Variants in DMD observed in about 807,000 individuals in gnomAD.
The protein encoded by DMD is mutant dystrophin.
Under a neutral mutation model 330.1 loss-of-function variants are expected in DMD, and 63 were observed. The ratio of observed to expected loss-of-function variants is 0.19; its 90% CI spans 0.16 to 0.24. The LOEUF (loss-of-function observed/expected upper bound fraction) is 0.24. Among genes scored for constraint, DMD ranks in the 10% least tolerant of loss-of-function variants. The pLI, the probability that DMD is intolerant of heterozygous loss-of-function variation, is 1.00. For synonymous variants in DMD, 1,223 were observed against 959.8 expected (o/e 1.27, Z -5.07); for missense variants, 3,344 against 2,684.1 (o/e 1.25, Z -5.43).
At chrX:33,123,393 G>A (rs1379723465) in intron 1 of DMD, among the ~76,000 whole-genome samples, 7 of 110,784 alleles carry the variant, frequency 6.3e-5, no homozygotes, top group Non-Finnish European at 1.3e-4. Flanking sequence ...TATCCTGAAA[G>A]TCTCAAATGA....
chrX:31,181,552 T>C lies in DMD; in HGVS notation c.9975-1071A>G, dbSNP rs749966560. Reference sequence around the variant, plus strand: ...TTCCCTTCCCCACTCCCCACCCCCATGGTATCATTTTTACCTGCCAAGAAA... The same window carrying C: ...TTCCCTTCCCCACTCCCCACCCCCACGGTATCATTTTTACCTGCCAAGAAA... On this transcript the variant is annotated intron_variant, in intron 68 of 78. Transcript: ENST00000357033. Among the ~76,000 whole-genome samples the C allele has an allele frequency of 4.5e-5, 5 of 110,119 alleles. No homozygotes were observed. The South Asian group carries it at 2.0e-3, about 44-fold the overall frequency.
intron 1 of DMD, among the ~76,000 whole-genome samples, chrX:33,311,472 C>T (rs192870577): frequency 6.3e-5 from 7 of 110,428 alleles, no homozygotes; most frequent in African/African-American, 2.3e-4. Context: ...AAATAATCTA[C>T]CTTATTTACA....
chrX:32,193,244 C>T (rs1244899460), intron 44 of DMD, among the ~76,000 whole-genome samples: 3 of 111,796 alleles, frequency 2.7e-5, no homozygotes, highest in Non-Finnish European at 1.9e-5. Flanking sequence ...TTTTCTCATC[C>T]ATTACCCAGT....
chrX:31,542,183 C>T (rs142713429), intron 55 of DMD, among the ~76,000 whole-genome samples: 2,222 of 111,694 alleles, frequency 0.02, 67 homozygotes, highest in African/African-American at 0.068. Flanking sequence ...GCAAAGGACG[C>T]TATGGGGACA....
intron 44 of DMD, among the ~76,000 whole-genome samples, chrX:32,083,634 G>T (rs749495076): frequency 8.9e-6 from 1 of 112,501 alleles, no homozygotes; most frequent in Admixed American, 9.4e-5. Flanking sequence ...CCACTTCATG[G>T]ATTGAGGTAG....
At chrX:32,164,816 G>T (rs1400222835) in intron 44 of DMD, among the ~76,000 whole-genome samples, 1 of 110,655 alleles carries the variant, frequency 9.0e-6, no homozygotes, top group Non-Finnish European at 1.9e-5. Context: ...CCCCACCACT[G>T]TGTGCGGCAT....
chrX:32,281,330 G>A (rs780726740), intron 43 of DMD, among the ~76,000 whole-genome samples: 13 of 111,846 alleles, frequency 1.2e-4, no homozygotes, highest in Non-Finnish European at 2.3e-4. Context: ...AGAACAATGC[G>A]GTATGCTTTT....
chrX:32,982,680 T>C (rs888751836), intron 2 of DMD, among the ~76,000 whole-genome samples: 1 of 111,594 alleles, frequency 9.0e-6, no homozygotes, highest in African/African-American at 3.3e-5. Context: ...CTTACATCTT[T>C]TCACTTAATA....
At chrX:32,771,634 T>C (rs1487462641) in intron 7 of DMD, among the ~76,000 whole-genome samples, 1 of 111,215 alleles carries the variant, frequency 9.0e-6, no homozygotes, top group Non-Finnish European at 1.9e-5. Context: ...CCCTGAAAGA[T>C]GCATAACAAC....
rs530717741 is a variant in DMD, at chrX:31,230,423, C to T, written c.9287-7302G>A. Among the ~76,000 whole-genome samples the T allele has an allele frequency of 8.1e-5, 9 of 110,660 alleles. No individual in the cohort carries two copies. The South Asian group carries it at 1.2e-3, about 14-fold the overall frequency. ...CAGCACTTATGGAGGTCGAGGCGGG[C>T]GGATCACGAGGTCAGGAGTTCGAGA... On this transcript the variant is annotated intron_variant, in intron 63 of 78. Coordinates refer to ENST00000357033, the MANE Select transcript of DMD (RefSeq NM_004006.3).
chrX:31,655,137 C>T (rs1332912542), intron 54 of DMD, among the ~76,000 whole-genome samples: 1 of 111,563 alleles, frequency 9.0e-6, no homozygotes, highest in Non-Finnish European at 1.9e-5. Flanking sequence ...TTTTTGCAAT[C>T]AGACCTTGGT....
chrX:31,428,520 A>G (rs1384457674), intron 60 of DMD, among the ~76,000 whole-genome samples: 1 of 111,982 alleles, frequency 8.9e-6, no homozygotes, highest in Non-Finnish European at 1.9e-5. Flanking sequence ...TGGAATTAAC[A>G]TAAAAACCCA....
intron 57 of DMD, among the ~76,000 whole-genome samples, chrX:31,490,421 G>A (rs1367729972): frequency 9.0e-6 from 1 of 111,576 alleles, no homozygotes; most frequent in Non-Finnish European, 1.9e-5. Context: ...CATTAGCCAG[G>A]TGTGGTGGTG....
chrX:31,336,111 G>A (rs2057391289), intron 61 of DMD, among the ~76,000 whole-genome samples: 1 of 112,677 alleles, frequency 8.9e-6, no homozygotes, highest in Non-Finnish European at 1.9e-5. Context: ...CCCTTTCATC[G>A]AGAGACTAAA....
chrX:31,267,042 T>C, intron 62 of DMD: 1 of 435,203 alleles, frequency 2.3e-6, no homozygotes, highest in Non-Finnish European at 3.6e-6. Context: ...CCTAGGGACC[T>C]GGGAACCCGG....
chrX:32,284,413 G>T (rs944121145), intron 43 of DMD, among the ~76,000 whole-genome samples: 19 of 111,734 alleles, frequency 1.7e-4, no homozygotes, highest in African/African-American at 5.5e-4. Context: ...TCAAAGCAGG[G>T]ACTGAGTCTA....
intron 50 of DMD, among the ~76,000 whole-genome samples, chrX:31,791,900 T>C (rs917106280): frequency 8.9e-6 from 1 of 112,142 alleles, no homozygotes; most frequent in Non-Finnish European, 1.9e-5. Flanking sequence ...GGAAGGAAAT[T>C]ATGGAAATTC....
intron 16 of DMD, 74 bp downstream of exon 16, chrX:32,565,628 A>G: frequency 3.8e-6 from 4 of 1,046,820 alleles, no homozygotes; most frequent in Non-Finnish European, 5.3e-6. Flanking sequence ...TTGTAGGGTT[A>G]TAATGTCACT....
intron 52 of DMD, among the ~76,000 whole-genome samples, chrX:31,726,785 T>C (rs764426572): frequency 8.9e-6 from 1 of 112,131 alleles, no homozygotes; most frequent in African/African-American, 3.2e-5. Flanking sequence ...CTTAGACTCT[T>C]AATAAGCGCT....
Sources: gnomAD v4.1 joint callset for allele counts (sites outside exome capture counted in the v4.1 genomes callset) on GRCh38, gnomAD v4.1.1 for gene constraint, MANE v1.5 for transcripts, NCBI Gene and HGNC (gene_info 2026-07-23, HGNC 2026-07-21) for gene names.